The following ABCC12 variants were observed in gnomAD, a reference collection of about 807,000 sequenced individuals.
ABCC12 encodes ATP-binding cassette sub-family C member 12.
ABCC12 carries 142 observed loss-of-function variants against 151.1 expected under a neutral mutation model. That is an observed-to-expected ratio of 0.94 (90% CI 0.82 to 1.08). ABCC12 has a LOEUF of 1.08. Ranked by LOEUF, ABCC12 falls within the 50% of genes least tolerant of loss-of-function variation. The pLI is 0.00. For synonymous variants in ABCC12, 645 were observed against 646.4 expected, an observed-to-expected ratio of 1.00 and a Z score of 0.03; for missense variants, 1,638 against 1,691.1, an observed-to-expected ratio of 0.97 and a Z score of 0.55.
At position 48,133,983 on chromosome 16, in the gene ABCC12, C is replaced by T. The variant is rs982571805; in HGVS notation, c.980-148G>A. 23 of 978,874 alleles carry T rather than the reference C, an allele frequency of 2.3e-5. No homozygotes were observed. In the African/African-American group the frequency reaches 3.3e-4, roughly 14 times the overall value. The allele number at this position is 978,874 out of a possible 1,614,324, so 60.6% of individuals were successfully genotyped here. A position where few individuals can be genotyped will look rare whatever the true frequency, so the allele number is the denominator to read the frequency against. On this transcript the variant is annotated intron_variant, in intron 8 of 30. Coordinates refer to ENST00000311303, the MANE Select transcript of ABCC12 (RefSeq NM_001393797.1). ...TAAATGAGAGGAACCACAGAAAGCC[C>T]CGGGCACAAACCCAGCAGGTACTCA...
intron 14 of ABCC12, among the ~76,000 whole-genome samples, chr16:48,115,933 G>A (rs1012302484): frequency 3.3e-5 from 5 of 152,230 alleles, no homozygotes; most frequent in African/African-American, 4.8e-5. Flanking sequence ...GAGGGGCTAC[G>A]TCATTTTTAT....
At chr16:48,098,053 A>G (rs1478603271) in intron 23 of ABCC12, among the ~76,000 whole-genome samples, 1 of 151,856 alleles carries the variant, frequency 6.6e-6, no homozygotes, top group Non-Finnish European at 1.5e-5. Context: ...TTAAAAGCAC[A>G]GAGCAGGTGC....
intron 18 of ABCC12, among the ~76,000 whole-genome samples, chr16:48,110,394 C>A (rs753470223): frequency 6.6e-6 from 1 of 151,844 alleles, no homozygotes. Context: ...ATGAAATGTG[C>A]GAAGTTTTTT....
chr16:48,100,250 G>A (rs1397677345), intron 23 of ABCC12, among the ~76,000 whole-genome samples: 1 of 152,126 alleles, frequency 6.6e-6, no homozygotes, highest in Non-Finnish European at 1.5e-5. Flanking sequence ...GTGAGCCACC[G>A]CGCCCAGTCT....
In ABCC12 at chr16:48,088,605, T is replaced by C. The variant is rs1365257555; in HGVS notation, c.3415A>G (p.Ser1139Gly). 1 of 1,614,248 alleles carries C rather than the reference T, an allele frequency of 6.2e-7. No homozygotes were observed. The change falls in exon 26 of 31, where the codon AGC becomes GGC. Residue 1139 changes from serine to glycine, a missense_variant. Transcript: ENST00000311303. Reference protein sequence around the residue: ...YRDNTPLVLDSLNLNIQSGQT... With the variant: ...YRDNTPLVLDGLNLNIQSGQT... ...CCACTTTGTATGTTCAAGTTCAGGC[T>C]GTCGAGAACAAGGGGGGTGTTGTCT...
intron 29 of ABCC12, among the ~76,000 whole-genome samples, chr16:48,084,932 G>A (rs1173167791): frequency 6.6e-6 from 1 of 151,926 alleles, no homozygotes. Flanking sequence ...TAACTTCCCC[G>A]AGGCTCTGTT....
intron 13 of ABCC12, among the ~76,000 whole-genome samples, chr16:48,118,252 C>T (rs746645109): frequency 6.6e-6 from 1 of 152,178 alleles, no homozygotes; most frequent in Non-Finnish European, 1.5e-5. Context: ...GGATGTCGTC[C>T]CCATGTTATG....
intron 23 of ABCC12, among the ~76,000 whole-genome samples, chr16:48,098,056 G>A (rs1488794281): frequency 2.6e-5 from 4 of 151,178 alleles, no homozygotes; most frequent in Non-Finnish European, 4.4e-5. Context: ...AAAGCACAGA[G>A]CAGGTGCTTC....
In ABCC12 at chr16:48,088,593, T is replaced by C. The variant is rs1256743890; in HGVS notation, c.3427A>G (p.Asn1143Asp). 1 of 1,614,206 alleles carries C rather than the reference T, an allele frequency of 6.2e-7. No individual in the cohort carries two copies. Among genetic ancestry groups the C allele is most frequent in the South Asian group, 1.1e-5 (1 of 91,080 alleles). Residue 1143 changes from asparagine to aspartate, a missense_variant, in exon 26 of 31, where the codon AAC (asparagine) becomes GAC (aspartate). Coordinates refer to ENST00000311303, the MANE Select transcript of ABCC12 (RefSeq NM_001393797.1). ...TPLVLDSLNL[N>D]IQSGQTVGIV... The stretch of plus-strand genomic sequence containing the variant: ...CCGACTGTCTGCCCACTTTGTATGT[T>C]CAAGTTCAGGCTGTCGAGAACAAGG...
At chr16:48,107,873 G>C (rs899971481) in intron 19 of ABCC12, among the ~76,000 whole-genome samples, 35 of 152,078 alleles carry the variant, frequency 2.3e-4, no homozygotes, top group African/African-American at 8.0e-4. Flanking sequence ...ATAGTGGCGG[G>C]TGCCTGTAAT....
intron 29 of ABCC12, among the ~76,000 whole-genome samples, chr16:48,084,474 T>C (rs1474762574): frequency 6.6e-6 from 1 of 152,214 alleles, no homozygotes; most frequent in Non-Finnish European, 1.5e-5. Context: ...ACTTAGAGAC[T>C]CAGTGTAAAT....
intron 22 of ABCC12, among the ~76,000 whole-genome samples, chr16:48,102,468 C>T (rs188517931): frequency 2.0e-5 from 3 of 152,264 alleles, no homozygotes; most frequent in South Asian, 4.1e-4. Context: ...TTGCTTTGTG[C>T]GTTTTGTCCA....
intron 8 of ABCC12, among the ~76,000 whole-genome samples, chr16:48,135,938 C>G (rs1964592915): frequency 1.3e-5 from 2 of 152,192 alleles, no homozygotes; most frequent in African/African-American, 4.8e-5. Context: ...CCACACAGGA[C>G]AGCTCCAGAT....
At chr16:48,122,816 T>A (rs1389556375) in intron 12 of ABCC12, among the ~76,000 whole-genome samples, 1 of 152,262 alleles carries the variant, frequency 6.6e-6, no homozygotes, top group Non-Finnish European at 1.5e-5. Flanking sequence ...TTTTTCACCA[T>A]GACTGGCCTT....
In ABCC12 at chr16:48,128,582, G is replaced by A; in HGVS notation, c.1392C>T (p.Cys464=). ...KKLQNQKRHL[C]KKQRSEAYSE... is the part of the protein sequence containing the mutation. ...TGTATGCCTCTGACCTCTGTTTCTT[G>A]CATAAATGCCTTTTCTGGTTCTGCA... is the stretch of plus-strand genomic sequence containing the variant. The change falls in exon 11 of 31, where the codon TGC becomes TGT. Residue 464 remains cysteine, a synonymous_variant. Coordinates refer to ENST00000311303, the MANE Select transcript of ABCC12 (RefSeq NM_001393797.1). 1 of 1,614,200 alleles carries A rather than the reference G, an allele frequency of 6.2e-7. No homozygotes were observed. The highest frequency in any genetic ancestry group is 8.5e-7 in the Non-Finnish European group (1 of 1,180,044).
At position 48,092,330 on chromosome 16, in the gene ABCC12, T is replaced by C. The variant is rs541336215; in HGVS notation, c.3196-1121A>G. On this transcript the variant is annotated intron_variant, in intron 24 of 30. Coordinates refer to ENST00000311303, the MANE Select transcript of ABCC12 (RefSeq NM_001393797.1). The stretch of plus-strand genomic sequence containing the variant: ...AGGTGTGTCTGTGAGATGTTACCGC[T>C]GTGGGCAACTGAGAGTCCGGCTGGT... Among the ~76,000 whole-genome samples the C allele has an allele frequency of 1.1e-4, 16 of 152,296 alleles. No homozygotes were observed. The South Asian group carries it at 3.3e-3, about 32-fold the overall frequency.
chr16:48,155,452 T>TG (rs1054684311), intron 1 of ABCC12, among the ~76,000 whole-genome samples: 7 of 151,706 alleles, frequency 4.6e-5, no homozygotes, highest in East Asian at 3.9e-4. Flanking sequence ...TCTTTTTTTT[T>TG]GGGGGGGAGG....
At chr16:48,117,805 G>A (rs755385491) in intron 13 of ABCC12, among the ~76,000 whole-genome samples, 18 of 152,038 alleles carry the variant, frequency 1.2e-4, no homozygotes, top group Non-Finnish European at 2.4e-4. Context: ...CACCAGTGAC[G>A]ACCTTGACAT....
intron 7 of ABCC12, 125 bp from the exon 8 acceptor site, chr16:48,138,500 C>T: frequency 9.0e-7 from 1 of 1,105,350 alleles, no homozygotes; most frequent in Non-Finnish European, 1.3e-6. Flanking sequence ...AGATTCTCAG[C>T]CAAGTTCTTC....
Sources: allele counts gnomAD v4.1 joint callset (sites outside exome capture counted in the v4.1 genomes callset), GRCh38; gene constraint gnomAD v4.1.1; transcripts MANE v1.5; gene names NCBI Gene and HGNC (gene_info 2026-07-23, HGNC 2026-07-21).